DENND4A: variants seen among roughly 807,000 people sequenced by gnomAD.
DENND4A encodes C-myc promoter-binding protein.
DENND4A carries 70 observed loss-of-function variants against 199.3 expected under a neutral mutation model. That is an observed-to-expected ratio of 0.35 (90% CI 0.29 to 0.43). The LOEUF (loss-of-function observed/expected upper bound fraction) is 0.43, where lower values mean the gene tolerates loss of function less well. Among genes scored for constraint, DENND4A ranks in the 20% least tolerant of loss-of-function variants. The pLI, the probability that DENND4A is intolerant of heterozygous loss-of-function variation, is 1.00. For missense variants in DENND4A, 1,723 were observed against 2,255.8 expected, an observed-to-expected ratio of 0.76 and a Z score of 4.78; for synonymous variants, 686 against 766.9, an observed-to-expected ratio of 0.89 and a Z score of 1.74.
intron 28 of DENND4A, 44 bp downstream of exon 28, chr15:65,667,881 T>C (rs1237244424): frequency 5.1e-6 from 8 of 1,573,234 alleles, no homozygotes; most frequent in African/African-American, 1.4e-5. Context: ...AAATCATACG[T>C]AAGTGATCAA....
intron 13 of DENND4A, among the ~76,000 whole-genome samples, chr15:65,717,281 T>C (rs921492122): frequency 1.4e-4 from 22 of 152,242 alleles, no homozygotes; most frequent in Non-Finnish European, 1.8e-4. Flanking sequence ...AGAAAGTAAA[T>C]ATGTATTATA....
chr15:65,732,094 A>G (rs1285233791), intron 8 of DENND4A, among the ~76,000 whole-genome samples: 2 of 152,130 alleles, frequency 1.3e-5, no homozygotes, highest in Non-Finnish European at 2.9e-5. Context: ...CATTATTTAC[A>G]TATTACCCAG....
Position 65,789,535 on chromosome 15 carries a change from G to A in DENND4A, c.-102+2475C>T, listed in dbSNP as rs1436682982. On this transcript the variant is annotated intron_variant, in intron 1 of 32. Coordinates refer to ENST00000443035, the MANE Select transcript of DENND4A (RefSeq NM_001320835.1). ...AAAAAAAAAAAAAAGGAAGAAAAAT[G>A]TATCAGCTATTCTCAGTCACTCTTC... 3.3e-5 allele frequency among the ~76,000 whole-genome samples: 5 copies of A among 149,636 alleles called. No individual in the cohort carries two copies. The Middle Eastern group carries it at 0.014, about 416-fold the overall frequency.
At chr15:65,789,674 G>C (rs1485345280) in intron 1 of DENND4A, among the ~76,000 whole-genome samples, 8 of 152,070 alleles carry the variant, frequency 5.3e-5, no homozygotes, top group African/African-American at 1.4e-4. Flanking sequence ...TTTCCACCTA[G>C]AACAACGCAC....
chr15:65,747,104 TAA>T (rs11396585), intron 4 of DENND4A, among the ~76,000 whole-genome samples: 4 of 142,154 alleles, frequency 2.8e-5, no homozygotes, highest in Non-Finnish European at 1.5e-5. Context: ...AGACTCTGTT[TAA>T]AAAAAAAAAA....
intron 4 of DENND4A, among the ~76,000 whole-genome samples, chr15:65,742,723 G>A (rs1042166624): frequency 2.6e-5 from 4 of 152,192 alleles, no homozygotes; most frequent in Admixed American, 1.3e-4. Context: ...ACAGGCGTGA[G>A]CCACTGTGCC....
At chr15:65,727,199 T>A (rs1013910128) in intron 11 of DENND4A, among the ~76,000 whole-genome samples, 1 of 151,770 alleles carries the variant, frequency 6.6e-6, no homozygotes, top group Non-Finnish European at 1.5e-5. Flanking sequence ...ACACCTATAA[T>A]CTCAGCACTT....
chr15:65,786,200 G>C (rs1021948425), intron 1 of DENND4A, among the ~76,000 whole-genome samples: 3 of 152,054 alleles, frequency 2.0e-5, no homozygotes, highest in African/African-American at 7.2e-5. Context: ...ATCAATAGAA[G>C]AAATGATAAA....
At chr15:65,667,769 T>C (rs2076088328) in intron 28 of DENND4A, 66 bp from the exon 29 acceptor site, 2 of 1,535,024 alleles carry the variant, frequency 1.3e-6, no homozygotes, top group East Asian at 4.5e-5. Flanking sequence ...AAAAATTCAA[T>C]GATTCCCATA....
At chr15:65,710,262 C>T (rs1217666909) in intron 14 of DENND4A, among the ~76,000 whole-genome samples, 1 of 152,128 alleles carries the variant, frequency 6.6e-6, no homozygotes. Context: ...GAATGGGATA[C>T]ATAAAATAGG....
chr15:65,697,068 T>A lies in DENND4A; in HGVS notation c.2950+199A>T, dbSNP rs1286710726. On this transcript the variant is annotated intron_variant, in intron 21 of 32. Coordinates refer to ENST00000443035, the MANE Select transcript of DENND4A (RefSeq NM_001320835.1). ...TAATGGTATTTGATTTGGGAAGTGT[T>A]TTGCCACTGAGGCTATATACTTCAT... 1.5e-5 allele frequency: 7 copies of A among 466,980 alleles called. No homozygotes were observed. In the East Asian group the frequency reaches 2.6e-4, roughly 17 times the overall value. The allele number at this position is 466,980 out of a possible 1,614,324, so 28.9% of individuals were successfully genotyped here.
chr15:65,744,303 G>A (rs1008659652), intron 4 of DENND4A, among the ~76,000 whole-genome samples: 4 of 152,106 alleles, frequency 2.6e-5, no homozygotes, highest in African/African-American at 7.2e-5. Flanking sequence ...GTGAAGATAA[G>A]GGGTTCAGTT....
chr15:65,772,914 C>T (rs2077175690), intron 1 of DENND4A, among the ~76,000 whole-genome samples: 1 of 150,666 alleles, frequency 6.6e-6, no homozygotes, highest in Non-Finnish European at 1.5e-5. Context: ...CAAAAGTGGA[C>T]CCTCACCAGA....
chr15:65,681,275 TC>T (rs1207683537), intron 23 of DENND4A: 1 of 152,240 alleles, frequency 6.6e-6, no homozygotes, highest in Non-Finnish European at 1.5e-5. Context: ...GGAATCTATT[TC>T]TTCCAAACTC....
At chr15:65,665,272 T>C (rs1350080600) in intron 30 of DENND4A, 73 bp downstream of exon 30, 2 of 1,138,648 alleles carry the variant, frequency 1.8e-6, no homozygotes, top group Non-Finnish European at 2.6e-6. Flanking sequence ...AGTTATACAT[T>C]GGTTTATGCT....
At chr15:65,746,101 A>G (rs1233852075) in intron 4 of DENND4A, among the ~76,000 whole-genome samples, 3 of 151,602 alleles carry the variant, frequency 2.0e-5, no homozygotes, top group Non-Finnish European at 2.9e-5. Context: ...AGATCATACC[A>G]TCGCACTCCA....
At chr15:65,778,882 A>C (rs1223757336) in intron 1 of DENND4A, among the ~76,000 whole-genome samples, 1 of 141,846 alleles carries the variant, frequency 7.0e-6, no homozygotes, top group Admixed American at 7.2e-5. Context: ...TGACACAACG[A>C]GACTCCGCAT....
At chr15:65,663,890 G>A (rs1045977925) in intron 32 of DENND4A, among the ~76,000 whole-genome samples, 5 of 151,726 alleles carry the variant, frequency 3.3e-5, no homozygotes, top group Admixed American at 6.6e-5. Context: ...GGCCTCAAGC[G>A]ATCCACCCAC....
chr15:65,699,706 G>A (rs1335236847), intron 20 of DENND4A, among the ~76,000 whole-genome samples: 1 of 148,104 alleles, frequency 6.8e-6, no homozygotes, highest in Non-Finnish European at 1.5e-5. Flanking sequence ...TTGAGACAGG[G>A]TCTCGCTCTG....
Sources: gnomAD v4.1 joint callset for allele counts (sites outside exome capture counted in the v4.1 genomes callset) on GRCh38, gnomAD v4.1.1 for gene constraint, MANE v1.5 for transcripts, NCBI Gene and HGNC (gene_info 2026-07-23, HGNC 2026-07-21) for gene names.